Variants in AUTS2 observed in about 807,000 individuals in gnomAD.
AUTS2 encodes the protein autism susceptibility gene 2 protein.
A neutral mutation model predicts 112.4 loss-of-function variants in AUTS2; 17 were observed. That is an observed-to-expected ratio of 0.15 (90% confidence interval 0.10 to 0.23). AUTS2 has a LOEUF of 0.23. AUTS2 is among the 10% of genes least tolerant of loss of function. AUTS2 has a pLI of 1.00. For missense variants in AUTS2, 1,510 were observed against 1,701.6 expected (o/e 0.89, Z 1.98); for synonymous variants, 751 against 702.7 (o/e 1.07, Z -1.09).
At chr7:70,579,204 C>T (rs1422324194) in intron 5 of AUTS2, among the ~76,000 whole-genome samples, 1 of 129,368 alleles carries the variant, frequency 7.7e-6, no homozygotes, top group East Asian at 2.5e-4. Flanking sequence ...GTTGAGGTTG[C>T]AGGCATGAGC....
chr7:70,612,556 A>C (rs533736325), intron 5 of AUTS2, among the ~76,000 whole-genome samples: 1 of 152,154 alleles, frequency 6.6e-6, no homozygotes, highest in Admixed American at 6.5e-5. Context: ...GAGGTCCAGT[A>C]AGTCCAACAA....
chr7:69,936,761 A>C (rs1449159744), intron 2 of AUTS2, among the ~76,000 whole-genome samples: 1 of 152,216 alleles, frequency 6.6e-6, no homozygotes, highest in African/African-American at 2.4e-5. Flanking sequence ...TAGAGTTGAC[A>C]TCAGTGGTAA....
chr7:70,554,783 G>A (rs1801178896), intron 5 of AUTS2, among the ~76,000 whole-genome samples: 1 of 152,202 alleles, frequency 6.6e-6, no homozygotes, highest in African/African-American at 2.4e-5. Flanking sequence ...CCAGAGCTAT[G>A]TGACTCATAA....
intron 2 of AUTS2, among the ~76,000 whole-genome samples, chr7:69,917,116 A>G (rs1323338005): frequency 6.6e-6 from 1 of 151,884 alleles, no homozygotes; most frequent in Non-Finnish European, 1.5e-5. Context: ...TGGGTTCAAA[A>G]TGTCCTTCTG....
At chr7:70,063,243 C>T (rs979922150) in intron 2 of AUTS2, among the ~76,000 whole-genome samples, 2 of 150,574 alleles carry the variant, frequency 1.3e-5, no homozygotes, top group African/African-American at 4.9e-5. Context: ...TTCACATTGC[C>T]GATGGGTTTT....
intron 2 of AUTS2, among the ~76,000 whole-genome samples, chr7:69,924,803 T>A (rs773768152): frequency 2.0e-5 from 3 of 152,144 alleles, no homozygotes; most frequent in Non-Finnish European, 2.9e-5. Context: ...CGTCTGCCTC[T>A]GCCTCCCAAA....
At chr7:69,656,132 T>A (rs1223691944) in intron 1 of AUTS2, among the ~76,000 whole-genome samples, 1 of 152,244 alleles carries the variant, frequency 6.6e-6, no homozygotes, top group Non-Finnish European at 1.5e-5. Context: ...GCAGATGGGA[T>A]TATTTAATAA....
At chr7:69,888,651 G>A (rs1467349880) in intron 1 of AUTS2, among the ~76,000 whole-genome samples, 1 of 149,540 alleles carries the variant, frequency 6.7e-6, no homozygotes, top group Non-Finnish European at 1.5e-5. Context: ...GTGCGATCTC[G>A]GCTCACTGCA....
intron 4 of AUTS2, among the ~76,000 whole-genome samples, chr7:70,361,987 AAG>A (rs1792291219): frequency 1.3e-5 from 2 of 152,198 alleles, no homozygotes; most frequent in Admixed American, 1.3e-4. Flanking sequence ...TGACAGTTCA[AAG>A]AGAGAAGTTA....
chr7:70,681,801 G>T (rs994134881), intron 5 of AUTS2, among the ~76,000 whole-genome samples: 8 of 152,098 alleles, frequency 5.3e-5, no homozygotes, highest in African/African-American at 1.9e-4. Flanking sequence ...GGGAACGGGG[G>T]CTCCACCTCC....
chr7:70,068,722 T>A (rs1296293911), intron 2 of AUTS2, among the ~76,000 whole-genome samples: 1 of 152,208 alleles, frequency 6.6e-6, no homozygotes, highest in Non-Finnish European at 1.5e-5. Context: ...ACAAGGTGAT[T>A]AATGTAGCCA....
At chr7:70,231,588 G>A (rs772526721) in intron 4 of AUTS2, among the ~76,000 whole-genome samples, 19 of 147,476 alleles carry the variant, frequency 1.3e-4, no homozygotes, top group East Asian at 1.0e-3. Context: ...GACTACAGGC[G>A]CCCACCACCA....
At position 70,425,094 on chromosome 7, in the gene AUTS2, G is replaced by A. The variant is rs188451982; in HGVS notation, c.661-10658G>A. On this transcript the variant is annotated intron_variant, in intron 4 of 18. Coordinates refer to ENST00000342771, the MANE Select transcript of AUTS2 (RefSeq NM_015570.4). Reference sequence around the variant, plus strand: ...TGAGATGGACATTGACCCTTTGGCTGGGAATTGAATCATGTTGGTGATACT... The same window carrying A: ...TGAGATGGACATTGACCCTTTGGCTAGGAATTGAATCATGTTGGTGATACT... Among the ~76,000 whole-genome samples, 218 of 152,294 alleles carry A rather than the reference G, an allele frequency of 1.4e-3. 1 individual carries two copies. Among genetic ancestry groups the A allele is most frequent in the Admixed American group, 2.0e-3 (31 of 15,298 alleles).
At chr7:70,656,804 A>G (rs1160594467) in intron 5 of AUTS2, among the ~76,000 whole-genome samples, 1 of 152,132 alleles carries the variant, frequency 6.6e-6, no homozygotes, top group East Asian at 1.9e-4. Flanking sequence ...TTACCTGTTC[A>G]TTTCAACCTC....
chr7:70,007,286 A>T (rs1303575392), intron 2 of AUTS2, among the ~76,000 whole-genome samples: 3 of 152,192 alleles, frequency 2.0e-5, no homozygotes, highest in African/African-American at 7.2e-5. Context: ...TTGCTTTCCT[A>T]AGTATAAAAG....
At chr7:70,341,827 G>T (rs1362210003) in intron 4 of AUTS2, among the ~76,000 whole-genome samples, 2 of 152,218 alleles carry the variant, frequency 1.3e-5, no homozygotes, top group Non-Finnish European at 2.9e-5. Flanking sequence ...GCAAGAAATG[G>T]ACAACTTATT....
intron 1 of AUTS2, among the ~76,000 whole-genome samples, chr7:69,744,091 T>C (rs961226727): frequency 3.3e-5 from 5 of 152,282 alleles, no homozygotes; most frequent in East Asian, 1.9e-4. Context: ...CCACCACGCC[T>C]GGCCAGCGTA....
intron 1 of AUTS2, among the ~76,000 whole-genome samples, chr7:69,652,554 A>T: frequency 6.6e-6 from 1 of 151,484 alleles, no homozygotes. Flanking sequence ...TTATAGTTTT[A>T]TTATAGGTGC....
At chr7:70,589,528 A>C (rs1341473347) in intron 5 of AUTS2, among the ~76,000 whole-genome samples, 1 of 152,198 alleles carries the variant, frequency 6.6e-6, no homozygotes, top group Non-Finnish European at 1.5e-5. Flanking sequence ...AGCCTAGCCA[A>C]CATGGCGAAA....
Sources: allele counts gnomAD v4.1 joint callset (sites outside exome capture counted in the v4.1 genomes callset), GRCh38; gene constraint gnomAD v4.1.1; transcripts MANE v1.5; gene names NCBI Gene and HGNC (gene_info 2026-07-23, HGNC 2026-07-21).